The following GPC6 variants were observed in gnomAD, a reference collection of about 807,000 sequenced individuals.
GPC6 encodes the protein glypican-6.
GPC6 carries 14 observed loss-of-function variants against 55.2 expected under a neutral mutation model. That is an observed-to-expected ratio of 0.25 (90% confidence interval 0.17 to 0.40). GPC6 has a LOEUF of 0.40. GPC6 is among the 10% of genes least tolerant of loss of function. The pLI, the probability that GPC6 is intolerant of heterozygous loss-of-function variation, is 1.00. For synonymous variants in GPC6, 278 were observed against 259.6 expected, an observed-to-expected ratio of 1.07 and a Z score of -0.68; for missense variants, 641 against 708.5, an observed-to-expected ratio of 0.90 and a Z score of 1.08.
intron 1 of GPC6, among the ~76,000 whole-genome samples, chr13:93,413,846 T>C (rs1876598916): frequency 6.6e-6 from 1 of 152,202 alleles, no homozygotes; most frequent in South Asian, 2.1e-4. Context: ...TCAGGAATAA[T>C]TCTGCACTTA....
At chr13:93,674,037 C>T (rs1227666360) in intron 2 of GPC6, among the ~76,000 whole-genome samples, 1 of 151,986 alleles carries the variant, frequency 6.6e-6, no homozygotes, top group Admixed American at 6.6e-5. Flanking sequence ...AATTAGCAGA[C>T]AGCCACTGGC....
chr13:94,344,860 T>C (rs1295854397), intron 6 of GPC6, among the ~76,000 whole-genome samples: 1 of 152,260 alleles, frequency 6.6e-6, no homozygotes, highest in Non-Finnish European at 1.5e-5. Flanking sequence ...TTATTCAATA[T>C]ATTCTGGATT....
chr13:93,640,762 TCC>T, intron 2 of GPC6, among the ~76,000 whole-genome samples: 1 of 54,484 alleles, frequency 1.8e-5, no homozygotes, highest in African/African-American at 9.2e-5. Context: ...CTTCCCTCCC[TCC>T]TCCCCACTTT....
chr13:93,883,267 G>A (rs866213699), intron 3 of GPC6, among the ~76,000 whole-genome samples: 14 of 151,634 alleles, frequency 9.2e-5, no homozygotes, highest in African/African-American at 1.7e-4. Context: ...CTAGAAGGAA[G>A]CTTGCTGGAT....
At chr13:93,305,064 A>G (rs1878809748) in intron 1 of GPC6, among the ~76,000 whole-genome samples, 1 of 152,118 alleles carries the variant, frequency 6.6e-6, no homozygotes, top group South Asian at 2.1e-4. Context: ...AGGTGATGGT[A>G]TCAGGATTCA....
chr13:94,082,827 T>C (rs1169746834), intron 4 of GPC6, among the ~76,000 whole-genome samples: 2 of 152,222 alleles, frequency 1.3e-5, no homozygotes, highest in African/African-American at 4.8e-5. Context: ...AGACCCATCC[T>C]GTAAACAGTC....
chr13:93,803,956 T>C lies in GPC6; in HGVS notation c.320-26198T>C, dbSNP rs768049422. On this transcript the variant is annotated intron_variant, in intron 2 of 8. Coordinates refer to ENST00000377047, the MANE Select transcript of GPC6 (RefSeq NM_005708.5). ...TGCTAATGTGTATGGAATTACTTTCTGGAGTGATGAAAATGCTCTAAAATT... is the reference window on the plus strand; with the variant it reads ...TGCTAATGTGTATGGAATTACTTTCCGGAGTGATGAAAATGCTCTAAAATT... 6.6e-5 allele frequency among the ~76,000 whole-genome samples: 10 copies of C among 152,132 alleles called. 1 individual carries two copies. The highest frequency in any genetic ancestry group is 1.3e-4 in the Non-Finnish European group (9 of 68,026).
chr13:94,097,242 C>A (rs1885694464), intron 4 of GPC6, among the ~76,000 whole-genome samples: 2 of 151,996 alleles, frequency 1.3e-5, no homozygotes, highest in Admixed American at 6.6e-5. Context: ...GTGGCTCAGG[C>A]CTGTAATCCC....
intron 2 of GPC6, among the ~76,000 whole-genome samples, chr13:93,662,324 G>A (rs548847589): frequency 1.3e-5 from 2 of 152,304 alleles, no homozygotes; most frequent in African/African-American, 4.8e-5. Flanking sequence ...AAAGGAAAGA[G>A]CTATCAAAAT....
intron 3 of GPC6, among the ~76,000 whole-genome samples, chr13:93,932,600 T>A (rs1266752723): frequency 6.6e-6 from 1 of 152,074 alleles, no homozygotes; most frequent in Admixed American, 6.6e-5. Flanking sequence ...TATATCTGAG[T>A]GTTGGGAAAA....
chr13:93,242,227 G>A (rs563804252), intron 1 of GPC6, among the ~76,000 whole-genome samples: 1 of 152,280 alleles, frequency 6.6e-6, no homozygotes, highest in East Asian at 1.9e-4. Context: ...GATGGATGTA[G>A]CCTAGGGAGT....
intron 3 of GPC6, among the ~76,000 whole-genome samples, chr13:93,974,664 A>T (rs891017286): frequency 2.0e-5 from 3 of 152,192 alleles, no homozygotes; most frequent in Non-Finnish European, 4.4e-5. Flanking sequence ...TCTTGAATAG[A>T]GGTATATTTT....
intron 3 of GPC6, among the ~76,000 whole-genome samples, chr13:93,831,484 CT>C (rs2138982244): frequency 6.6e-6 from 1 of 151,746 alleles, no homozygotes; most frequent in South Asian, 2.1e-4. Context: ...CCAAACACTA[CT>C]TTTCTATTGG....
intron 3 of GPC6, among the ~76,000 whole-genome samples, chr13:93,863,108 C>A (rs1888863696): frequency 6.6e-6 from 1 of 151,640 alleles, no homozygotes; most frequent in Admixed American, 6.6e-5. Flanking sequence ...ATACCCAATG[C>A]TACAAGGCTG....
chr13:94,055,170 T>C (rs1031261238), intron 4 of GPC6, among the ~76,000 whole-genome samples: 1 of 152,174 alleles, frequency 6.6e-6, no homozygotes, highest in Non-Finnish European at 1.5e-5. Flanking sequence ...AAGCAGGGGC[T>C]CAGCGAAGAC....
intron 7 of GPC6, among the ~76,000 whole-genome samples, chr13:94,389,970 G>A (rs956913614): frequency 6.6e-6 from 1 of 152,210 alleles, no homozygotes; most frequent in Non-Finnish European, 1.5e-5. Flanking sequence ...GGGAGCCCCT[G>A]CTGTTTTTCA....
At chr13:94,128,281 C>G (rs962916894) in intron 4 of GPC6, among the ~76,000 whole-genome samples, 8 of 152,004 alleles carry the variant, frequency 5.3e-5, no homozygotes, top group African/African-American at 1.9e-4. Flanking sequence ...TATAATGACT[C>G]CACAGACAGC....
At chr13:93,925,862 C>T (rs959054943) in intron 3 of GPC6, among the ~76,000 whole-genome samples, 1 of 152,192 alleles carries the variant, frequency 6.6e-6, no homozygotes, top group Non-Finnish European at 1.5e-5. Flanking sequence ...TCTCCACATA[C>T]TGTCTTTGGG....
At chr13:94,238,726 A>G (rs1890957188) in intron 4 of GPC6, among the ~76,000 whole-genome samples, 1 of 152,164 alleles carries the variant, frequency 6.6e-6, no homozygotes, top group Non-Finnish European at 1.5e-5. Flanking sequence ...AGGGTCTCCC[A>G]CAGTTTGGGG....
Sources: allele counts gnomAD v4.1 joint callset (sites outside exome capture counted in the v4.1 genomes callset), GRCh38; gene constraint gnomAD v4.1.1; transcripts MANE v1.5; gene names NCBI Gene and HGNC (gene_info 2026-07-23, HGNC 2026-07-21).